Variants in SLC20A2 observed in about 807,000 individuals in gnomAD.
The protein encoded by SLC20A2 is solute carrier family 20 member 2, also known as sodium-dependent phosphate transporter 2.
SLC20A2 carries 30 observed loss-of-function variants against 61.0 expected under a neutral mutation model. That is an observed-to-expected ratio of 0.49 (90% confidence interval 0.37 to 0.67). SLC20A2 has a LOEUF of 0.67. SLC20A2 is among the 30% of genes least tolerant of loss of function. The probability of loss-of-function intolerance (pLI) is 0.00; values close to 1 mark genes in which losing one functional copy is unlikely to be tolerated. For missense variants in SLC20A2, 626 were observed against 866.4 expected (o/e 0.72, Z 3.48); for synonymous variants, 351 against 353.3 (o/e 0.99, Z 0.07).
At chr8:42,427,761 T>C (rs1283299144) in intron 10 of SLC20A2, among the ~76,000 whole-genome samples, 1 of 152,208 alleles carries the variant, frequency 6.6e-6, no homozygotes, top group Non-Finnish European at 1.5e-5. Flanking sequence ...CCACTTGCCT[T>C]TGCTTGGCGT....
chr8:42,502,976 G>T (rs1810413161), upstream of SLC20A2, among the ~76,000 whole-genome samples: 1 of 152,176 alleles, frequency 6.6e-6, no homozygotes, highest in South Asian at 2.1e-4. Flanking sequence ...AATACACCAA[G>T]TGCATTTCTG....
intron 10 of SLC20A2, among the ~76,000 whole-genome samples, chr8:42,426,401 A>G (rs1312579033): frequency 6.6e-6 from 1 of 152,190 alleles, no homozygotes; most frequent in Admixed American, 6.5e-5. Flanking sequence ...CTGTTTTTTC[A>G]AAAGCTCTTT....
intron 7 of SLC20A2, among the ~76,000 whole-genome samples, chr8:42,438,661 A>C (rs2131017580): frequency 6.6e-6 from 1 of 152,312 alleles, no homozygotes; most frequent in South Asian, 2.1e-4. Context: ...CTCCCCTGGC[A>C]CTGCCCACAA....
intron 6 of SLC20A2, among the ~76,000 whole-genome samples, chr8:42,444,085 G>T (rs1383814467): frequency 6.6e-6 from 1 of 152,176 alleles, no homozygotes; most frequent in African/African-American, 2.4e-5. Context: ...ATGACAAAAA[G>T]ATTTGTATAC....
intron 1 of SLC20A2, among the ~76,000 whole-genome samples, chr8:42,532,492 A>G (rs1041728131): frequency 1.3e-5 from 2 of 152,210 alleles, no homozygotes; most frequent in African/African-American, 4.8e-5. Context: ...TTAGTCTTCT[A>G]GAATACTAAT....
At chr8:42,486,497 T>C (rs940702430) in intron 1 of SLC20A2, among the ~76,000 whole-genome samples, 1 of 152,234 alleles carries the variant, frequency 6.6e-6, no homozygotes, top group African/African-American at 2.4e-5. Flanking sequence ...ACGTCTGCCT[T>C]CCTCTAGTGA....
upstream of SLC20A2, chr8:42,502,342 G>C (rs1044315638): frequency 2.0e-5 from 3 of 152,158 alleles, no homozygotes; most frequent in African/African-American, 7.2e-5. Flanking sequence ...AATGTCATAT[G>C]TTAGTTTGGA....
intron 5 of SLC20A2, among the ~76,000 whole-genome samples, chr8:42,456,751 A>G (rs4395886): frequency 7.8e-6 from 1 of 127,754 alleles, no homozygotes; most frequent in African/African-American, 3.0e-5. Flanking sequence ...AAAAAAAAAA[A>G]AAAACAAGGA....
chr8:42,478,685 GA>G (rs1477468607), intron 1 of SLC20A2, among the ~76,000 whole-genome samples: 2 of 152,092 alleles, frequency 1.3e-5, no homozygotes, highest in Non-Finnish European at 2.9e-5. Flanking sequence ...CAAAACTCAC[GA>G]AACTGTTCAC....
At chr8:42,430,407 G>A (rs1803765501) in intron 8 of SLC20A2, among the ~76,000 whole-genome samples, 158 bp from the exon 9 acceptor site, 1 of 152,074 alleles carries the variant, frequency 6.6e-6, no homozygotes, top group Non-Finnish European at 1.5e-5. Context: ...CTGTTGCCCA[G>A]GCTTGAGTGC....
chr8:42,487,556 C>A (rs931729597), intron 1 of SLC20A2, among the ~76,000 whole-genome samples: 8 of 152,162 alleles, frequency 5.3e-5, no homozygotes, highest in Non-Finnish European at 1.0e-4. Context: ...TGAATCGTGG[C>A]CCACATTTCT....
intron 1 of SLC20A2, among the ~76,000 whole-genome samples, chr8:42,519,316 T>C (rs7831177): frequency 0.024 from 3,689 of 152,112 alleles, 125 homozygotes; most frequent in African/African-American, 0.082. Context: ...TGGTGGCATG[T>C]GCCTGTAGTC....
chr8:42,487,646 A>G (rs1205675441), intron 1 of SLC20A2, among the ~76,000 whole-genome samples: 1 of 152,098 alleles, frequency 6.6e-6, no homozygotes, highest in Non-Finnish European at 1.5e-5. Context: ...ACTCTAATTT[A>G]CTGCGAAGCC....
intron 8 of SLC20A2, among the ~76,000 whole-genome samples, chr8:42,434,448 G>A (rs767242413): frequency 3.3e-5 from 5 of 152,072 alleles, no homozygotes; most frequent in Non-Finnish European, 7.4e-5. Flanking sequence ...CTGGAGTGCA[G>A]TGGCATGGTC....
chr8:42,430,273 G>A (rs574161808), intron 8 of SLC20A2, 24 bp from the exon 9 acceptor site: 2 of 1,593,074 alleles, frequency 1.3e-6, no homozygotes, highest in East Asian at 2.2e-5. Flanking sequence ...AAAGAGAAAA[G>A]ATTAACTATA....
intron 8 of SLC20A2, among the ~76,000 whole-genome samples, chr8:42,433,674 C>T (rs1186064519): frequency 6.6e-6 from 1 of 152,226 alleles, no homozygotes; most frequent in Non-Finnish European, 1.5e-5. Context: ...ATCCATGTTA[C>T]AGCAAGTGAC....
chr8:42,448,323 A>C (rs764730837), intron 5 of SLC20A2, among the ~76,000 whole-genome samples: 2 of 152,250 alleles, frequency 1.3e-5, no homozygotes, highest in Non-Finnish European at 2.9e-5. Flanking sequence ...AATCTGGGAT[A>C]CATATTTTAA....
chr8:42,525,588 AAAAAAAAAAAAAAAAAAG>A (rs1811882098), intron 1 of SLC20A2, among the ~76,000 whole-genome samples: 1 of 150,748 alleles, frequency 6.6e-6, no homozygotes, highest in Admixed American at 6.6e-5. Context: ...TCTCAAAAAA[AAAAAAAAAAAAAAAAAAG>A]AAAGTAAAAT....
chr8:42,434,000 A>T (rs539446671), intron 8 of SLC20A2, among the ~76,000 whole-genome samples: 1 of 151,354 alleles, frequency 6.6e-6, no homozygotes, highest in African/African-American at 2.4e-5. Context: ...ATTTCTCTAC[A>T]TCCTTGACAA....
Sources: gnomAD v4.1 joint callset for allele counts (sites outside exome capture counted in the v4.1 genomes callset) on GRCh38, gnomAD v4.1.1 for gene constraint, MANE v1.5 for transcripts, NCBI Gene and HGNC (gene_info 2026-07-23, HGNC 2026-07-21) for gene names.